The following NEGR1 variants were observed in gnomAD, a reference collection of about 807,000 sequenced individuals.
NEGR1 encodes the protein neuronal growth regulator 1, also known as IgLON family member 4.
In NEGR1, 10 loss-of-function variants were observed where a neutral mutation model predicts 40.9. That is an observed-to-expected ratio of 0.24 (90% CI 0.15 to 0.42). The LOEUF is 0.42. Ranked by LOEUF, NEGR1 falls within the 10% of genes least tolerant of loss-of-function variation. The pLI, the probability that NEGR1 is intolerant of heterozygous loss-of-function variation, is 1.00. For synonymous variants in NEGR1, 185 were observed against 166.8 expected, an observed-to-expected ratio of 1.11 and a Z score of -0.84; for missense variants, 352 against 438.9, an observed-to-expected ratio of 0.80 and a Z score of 1.77.
chr1:71,740,706 G>T (rs902273749), intron 3 of NEGR1, among the ~76,000 whole-genome samples: 1 of 152,062 alleles, frequency 6.6e-6, no homozygotes, highest in African/African-American at 2.4e-5. Context: ...AAAACAGCAG[G>T]AAGGCAATTT....
chr1:72,112,484 T>C (rs1325262016), intron 1 of NEGR1, among the ~76,000 whole-genome samples: 1 of 151,752 alleles, frequency 6.6e-6, no homozygotes, highest in East Asian at 1.9e-4. Flanking sequence ...GATCTCAAAT[T>C]GTTCTGAAAC....
At chr1:71,512,248 G>A (rs1647079419) in intron 6 of NEGR1, among the ~76,000 whole-genome samples, 1 of 151,612 alleles carries the variant, frequency 6.6e-6, no homozygotes, top group Non-Finnish European at 1.5e-5. Context: ...AATATCAAAT[G>A]TAAAAACAGT....
In NEGR1 at chr1:71,953,613, T is replaced by C. The variant is rs1646092250; in HGVS notation, c.177-18302A>G. 2.6e-5 allele frequency among the ~76,000 whole-genome samples: 4 copies of C among 151,926 alleles called. No individual in the cohort carries two copies. The South Asian group carries it at 8.3e-4, about 31-fold the overall frequency. On this transcript the variant is annotated intron_variant, in intron 1 of 6. Coordinates refer to ENST00000357731, the MANE Select transcript of NEGR1 (RefSeq NM_173808.3). The stretch of plus-strand genomic sequence containing the variant: ...TATGACGCTATCAAAAAGTATTGGA[T>C]GGAATAAGGAAATCTTTCATGTCAG...
chr1:72,057,770 T>C (rs1387623229), intron 1 of NEGR1, among the ~76,000 whole-genome samples: 1 of 151,522 alleles, frequency 6.6e-6, no homozygotes, highest in Admixed American at 6.6e-5. Context: ...TGGTAAGGCC[T>C]CTCCTTGGAT....
chr1:72,168,187 T>C (rs1277278229), intron 1 of NEGR1, among the ~76,000 whole-genome samples: 1 of 151,948 alleles, frequency 6.6e-6, no homozygotes, highest in Non-Finnish European at 1.5e-5. Flanking sequence ...TTAATTTTTG[T>C]ATTTTTAGTG....
At chr1:72,095,074 T>C (rs1648646222) in intron 1 of NEGR1, among the ~76,000 whole-genome samples, 1 of 152,172 alleles carries the variant, frequency 6.6e-6, no homozygotes, top group Admixed American at 6.5e-5. Context: ...TAATGAAATC[T>C]TACCGCCTAA....
chr1:71,654,828 G>A (rs766523611), intron 4 of NEGR1, among the ~76,000 whole-genome samples: 3 of 152,080 alleles, frequency 2.0e-5, no homozygotes, highest in Non-Finnish European at 2.9e-5. Flanking sequence ...ACATAAATTT[G>A]GGAGGTCTGT....
intron 2 of NEGR1, among the ~76,000 whole-genome samples, chr1:71,866,596 T>C (rs1660121284): frequency 6.6e-6 from 1 of 152,170 alleles, no homozygotes; most frequent in Non-Finnish European, 1.5e-5. Context: ...TCAGCAAAAA[T>C]TTTTCCCAAT....
intron 2 of NEGR1, among the ~76,000 whole-genome samples, chr1:71,789,793 G>A (rs989520553): frequency 6.6e-6 from 1 of 151,938 alleles, no homozygotes; most frequent in South Asian, 2.1e-4. Context: ...CTCCAGTCTC[G>A]TCACTTGATA....
chr1:71,678,712 C>T (rs1200236182), intron 4 of NEGR1, among the ~76,000 whole-genome samples: 1 of 152,050 alleles, frequency 6.6e-6, no homozygotes, highest in African/African-American at 2.4e-5. Context: ...TTGTTGGTTA[C>T]TAGGCACAGT....
chr1:71,541,711 G>A (rs1026853469), intron 6 of NEGR1, among the ~76,000 whole-genome samples: 1 of 151,752 alleles, frequency 6.6e-6, no homozygotes, highest in Non-Finnish European at 1.5e-5. Context: ...CGCTGTACTT[G>A]AAGCAATGTA....
At chr1:72,012,576 AG>A in intron 1 of NEGR1, among the ~76,000 whole-genome samples, 1 of 152,216 alleles carries the variant, frequency 6.6e-6, no homozygotes, top group East Asian at 1.9e-4. Context: ...CAATGAGAAC[AG>A]AAAAAGTTTG....
chr1:72,247,609 G>C (rs1345939563), intron 1 of NEGR1, among the ~76,000 whole-genome samples: 1 of 152,054 alleles, frequency 6.6e-6, no homozygotes, highest in Non-Finnish European at 1.5e-5. Flanking sequence ...TCACCATCTT[G>C]GTCTTCATGT....
intron 4 of NEGR1, among the ~76,000 whole-genome samples, chr1:71,631,826 C>T (rs57540806): frequency 0.018 from 2,758 of 151,704 alleles, 66 homozygotes; most frequent in African/African-American, 0.063. Flanking sequence ...AAAGATCATA[C>T]AAGAATTAAC....
intron 2 of NEGR1, among the ~76,000 whole-genome samples, chr1:71,918,735 T>C (rs11209868): frequency 0.19 from 29,535 of 151,958 alleles, 3,191 homozygotes; most frequent in Admixed American, 0.35. Context: ...TTTTCTTCTT[T>C]GTGTTGTTAT....
At position 72,158,709 on chromosome 1, in the gene NEGR1, T is replaced by C. The variant is rs541063034; in HGVS notation, c.176+123610A>G. On this transcript the variant is annotated intron_variant, in intron 1 of 6. Transcript: ENST00000357731. ...ATAAAGCCCTTTTTCTAGGTCACCA[T>C]ATATCAGATTGAAAGACAATTTGTA... 3.3e-5 allele frequency among the ~76,000 whole-genome samples: 5 copies of C among 152,314 alleles called. No individual in the cohort carries two copies. The South Asian group carries it at 8.3e-4, about 25-fold the overall frequency.
chr1:72,220,749 A>C (rs1653986007), intron 1 of NEGR1, among the ~76,000 whole-genome samples: 1 of 152,062 alleles, frequency 6.6e-6, no homozygotes, highest in Non-Finnish European at 1.5e-5. Context: ...GCTAGTTTGG[A>C]AATGAACTAC....
intron 1 of NEGR1, among the ~76,000 whole-genome samples, chr1:72,112,850 G>A (rs566548819): frequency 6.6e-6 from 1 of 151,548 alleles, no homozygotes; most frequent in East Asian, 2.0e-4. Context: ...ATGGGTTTTG[G>A]GGGAGGAATT....
At chr1:71,634,034 T>C (rs1343042313) in intron 4 of NEGR1, among the ~76,000 whole-genome samples, 2 of 152,000 alleles carry the variant, frequency 1.3e-5, no homozygotes, top group Admixed American at 6.6e-5. Context: ...GGATCCATTG[T>C]TTTTTGGACT....
Sources: gnomAD v4.1 joint callset for allele counts (sites outside exome capture counted in the v4.1 genomes callset) on GRCh38, gnomAD v4.1.1 for gene constraint, MANE v1.5 for transcripts, NCBI Gene and HGNC (gene_info 2026-07-23, HGNC 2026-07-21) for gene names.